Variants in SIPA1L2 observed in about 807,000 individuals in gnomAD.
SIPA1L2 encodes signal-induced proliferation-associated 1-like protein 2.
A neutral mutation model predicts 163.9 loss-of-function variants in SIPA1L2; 56 were observed. The observed-to-expected ratio is 0.34, with a 90% CI of 0.28 to 0.43. SIPA1L2 has a LOEUF of 0.43. Ranked by LOEUF, SIPA1L2 falls within the 20% of genes least tolerant of loss-of-function variation. SIPA1L2 has a pLI of 1.00. For missense variants in SIPA1L2, 1,974 were observed against 2,193.5 expected (o/e 0.90, Z 2.00); for synonymous variants, 877 against 865.7 (o/e 1.01, Z -0.23).
chr1:232,400,024 A>G (rs1660240934), intron 22 of SIPA1L2, among the ~76,000 whole-genome samples: 1 of 152,102 alleles, frequency 6.6e-6, no homozygotes, highest in South Asian at 2.1e-4. Flanking sequence ...CACCCTTGGC[A>G]TATCTGGTCC....
chr1:232,604,155 T>C (rs1450294337), intron 1 of SIPA1L2, among the ~76,000 whole-genome samples: 1 of 152,188 alleles, frequency 6.6e-6, no homozygotes, highest in African/African-American at 2.4e-5. Flanking sequence ...TGGTAAAGCA[T>C]AAGGGAACTT....
intron 21 of SIPA1L2, chr1:232,402,696 G>A (rs373795239): frequency 3.4e-5 from 12 of 352,372 alleles, no homozygotes; most frequent in African/African-American, 1.3e-4. Flanking sequence ...ATAGATATAC[G>A]AGTTGGTAGG....
At chr1:232,536,432 C>A (rs1193274472) in intron 2 of SIPA1L2, among the ~76,000 whole-genome samples, 1 of 152,152 alleles carries the variant, frequency 6.6e-6, no homozygotes, top group Admixed American at 6.5e-5. Context: ...AGGGTCCCAA[C>A]CAACCACTCT....
chr1:232,415,927 C>T lies in SIPA1L2; in HGVS notation c.4631-302G>A, dbSNP rs112255782. Reference sequence around the variant, plus strand: ...CTCCCAGAGTCAGTCAGTCAGAACACGGGCACCACTGCCCCTCCCAGAGTC... The same window carrying T: ...CTCCCAGAGTCAGTCAGTCAGAACATGGGCACCACTGCCCCTCCCAGAGTC... On this transcript the variant is annotated intron_variant, in intron 18 of 22. Coordinates refer to ENST00000674635, the MANE Select transcript of SIPA1L2 (RefSeq NM_020808.5). 100 of 244,020 alleles carry T rather than the reference C, an allele frequency of 4.1e-4. 1 individual carries two copies. Among genetic ancestry groups the T allele is most frequent in the African/African-American group, 3.2e-3 (80 of 24,668 alleles). 15.1% of individuals were successfully genotyped at this position (244,020 alleles called of 1,614,324 possible).
intron 19 of SIPA1L2, among the ~76,000 whole-genome samples, chr1:232,410,845 T>A (rs1660912528): frequency 6.6e-6 from 1 of 152,134 alleles, no homozygotes; most frequent in Admixed American, 6.5e-5. Flanking sequence ...GAGAACATAT[T>A]AATTAGAAAA....
At chr1:232,409,006 T>A (rs951830616) in intron 19 of SIPA1L2, among the ~76,000 whole-genome samples, 1 of 152,196 alleles carries the variant, frequency 6.6e-6, no homozygotes, top group Non-Finnish European at 1.5e-5. Flanking sequence ...CCAAATGGAA[T>A]ACATAAATTC....
intron 2 of SIPA1L2, among the ~76,000 whole-genome samples, chr1:232,567,473 C>G (rs978156996): frequency 1.3e-5 from 2 of 151,750 alleles, no homozygotes; most frequent in Admixed American, 1.3e-4. Context: ...CTAGCTATAA[C>G]CTAATGGTAA....
intron 5 of SIPA1L2, among the ~76,000 whole-genome samples, chr1:232,487,919 T>TACAC (rs5781699): frequency 0.024 from 3,435 of 144,282 alleles, 56 homozygotes; most frequent in African/African-American, 0.046. Context: ...GTAATTAGGT[T>TACAC]ACACACACAC....
chr1:232,514,229 T>C lies in SIPA1L2; in HGVS notation c.1111A>G (p.Thr371Ala), dbSNP rs1667112704. ...GACTCACAGTTGCCTGTCTGGCCCGTAGGCATCTGAGTCTGGGATGCTGCA... is the reference window on the plus strand; with the variant it reads ...GACTCACAGTTGCCTGTCTGGCCCGCAGGCATCTGAGTCTGGGATGCTGCA... ...ASAASQTQMP[T>A]GQTGNCESPL... is the part of the protein sequence containing the mutation. Residue 371 changes from threonine to alanine, a missense_variant, in exon 3 of 23, where the codon ACG (threonine) becomes GCG (alanine). By Grantham distance (58) the Thr-to-Ala change is moderately conservative. Transcript: ENST00000674635. 6.2e-7 allele frequency: 1 copy of C among 1,614,124 alleles called. No individual in the cohort carries two copies. Among genetic ancestry groups the C allele is most frequent in the African/African-American group, 1.3e-5 (1 of 74,940 alleles).
chr1:232,567,063 T>G (rs544204609), intron 2 of SIPA1L2, among the ~76,000 whole-genome samples: 2 of 152,280 alleles, frequency 1.3e-5, no homozygotes, highest in Admixed American at 6.5e-5. Flanking sequence ...GACTTGGCCG[T>G]CTCCTTAAGT....
intron 2 of SIPA1L2, among the ~76,000 whole-genome samples, chr1:232,567,120 T>C (rs962390980): frequency 6.6e-6 from 1 of 152,218 alleles, no homozygotes; most frequent in Admixed American, 6.5e-5. Context: ...TTTGCTCCAT[T>C]ACAAATTAGC....
chr1:232,467,648 C>T (rs931751469), intron 8 of SIPA1L2, among the ~76,000 whole-genome samples: 2 of 152,190 alleles, frequency 1.3e-5, no homozygotes, highest in African/African-American at 2.4e-5. Context: ...AATGTATCAC[C>T]GCTCCTAAAT....
chr1:232,537,356 A>G (rs1657370359), intron 2 of SIPA1L2, among the ~76,000 whole-genome samples: 1 of 152,224 alleles, frequency 6.6e-6, no homozygotes, highest in East Asian at 1.9e-4. Flanking sequence ...ATTAAGAAAT[A>G]TTCCTATGTA....
intron 5 of SIPA1L2, among the ~76,000 whole-genome samples, chr1:232,489,909 C>T (rs547880328): frequency 3.3e-5 from 5 of 152,280 alleles, no homozygotes; most frequent in Admixed American, 3.3e-4. Context: ...TTCTGAACCA[C>T]CATCTCAATC....
chr1:232,538,106 C>CA (rs946688732), intron 2 of SIPA1L2, among the ~76,000 whole-genome samples: 1 of 152,200 alleles, frequency 6.6e-6, no homozygotes, highest in African/African-American at 2.4e-5. Context: ...ACAGAAACAA[C>CA]AAAAAGTCTC....
intron 4 of SIPA1L2, among the ~76,000 whole-genome samples, chr1:232,491,462 C>A (rs1325570188): frequency 6.6e-6 from 1 of 152,176 alleles, no homozygotes; most frequent in Non-Finnish European, 1.5e-5. Flanking sequence ...TCTCCCATCT[C>A]TCCATCTTCT....
intron 2 of SIPA1L2, among the ~76,000 whole-genome samples, chr1:232,548,563 T>C (rs1658185783): frequency 6.6e-6 from 1 of 152,222 alleles, no homozygotes; most frequent in Admixed American, 6.5e-5. Flanking sequence ...AATAAATATG[T>C]ACTAATAAAT....
intron 2 of SIPA1L2, among the ~76,000 whole-genome samples, chr1:232,525,192 T>C (rs1573026372): frequency 1.3e-5 from 2 of 151,882 alleles, no homozygotes; most frequent in East Asian, 3.9e-4. Flanking sequence ...ATACTGCCCT[T>C]TATTCCTATG....
intron 5 of SIPA1L2, among the ~76,000 whole-genome samples, chr1:232,484,710 C>A (rs1665558876): frequency 6.6e-6 from 1 of 152,164 alleles, no homozygotes; most frequent in East Asian, 1.9e-4. Flanking sequence ...GGGACTTCCT[C>A]CCAAGGCCAG....
Sources: allele counts gnomAD v4.1 joint callset (sites outside exome capture counted in the v4.1 genomes callset), GRCh38; gene constraint gnomAD v4.1.1; transcripts MANE v1.5; gene names NCBI Gene and HGNC (gene_info 2026-07-23, HGNC 2026-07-21).